The following TMEM123 variants were observed in gnomAD, a reference collection of about 807,000 sequenced individuals.
TMEM123 encodes the protein transmembrane protein 123, also known as porimin.
Under a neutral mutation model 19.7 loss-of-function variants are expected in TMEM123, and 16 were observed. The ratio of observed to expected loss-of-function variants is 0.81; its 90% CI spans 0.55 to 1.23. The LOEUF is 1.23. Among genes scored for constraint, TMEM123 ranks in the 50% most tolerant of loss-of-function variants. The pLI is 0.00. For missense variants in TMEM123, 313 were observed against 257.8 expected (o/e 1.21, Z -1.47); for synonymous variants, 118 against 99.4 (o/e 1.19, Z -1.12).
At chr11:102,438,442 G>A (rs79155245) in intron 2 of TMEM123, among the ~76,000 whole-genome samples, 2 of 152,178 alleles carry the variant, frequency 1.3e-5, no homozygotes, top group Non-Finnish European at 2.9e-5. Context: ...ATCTTCATGA[G>A]AGCAGGAACT....
intron 2 of TMEM123, among the ~76,000 whole-genome samples, chr11:102,443,779 A>T (rs537959136): frequency 9.9e-5 from 15 of 152,256 alleles, no homozygotes; most frequent in Admixed American, 9.2e-4. Flanking sequence ...ATGGGAGAAA[A>T]TTTTTTACAA....
At chr11:102,438,215 G>T (rs1034844239) in intron 2 of TMEM123, among the ~76,000 whole-genome samples, 2 of 151,988 alleles carry the variant, frequency 1.3e-5, no homozygotes, top group African/African-American at 4.8e-5. Flanking sequence ...ACCACACCCA[G>T]CTAATTTTTG....
At chr11:102,407,559 C>T (rs1951966850) in intron 2 of TMEM123, among the ~76,000 whole-genome samples, 1 of 152,186 alleles carries the variant, frequency 6.6e-6, no homozygotes, top group African/African-American at 2.4e-5. Flanking sequence ...TTACAAAGGT[C>T]ATTAAGTCAT....
intron 2 of TMEM123, among the ~76,000 whole-genome samples, chr11:102,423,988 G>T (rs970195655): frequency 6.6e-6 from 1 of 152,090 alleles, no homozygotes; most frequent in Non-Finnish European, 1.5e-5. Flanking sequence ...ATCATCTCCT[G>T]TAAAAGAAAA....
intron 2 of TMEM123, among the ~76,000 whole-genome samples, chr11:102,431,027 C>T (rs1375919134): frequency 6.6e-6 from 1 of 152,162 alleles, no homozygotes; most frequent in African/African-American, 2.4e-5. Flanking sequence ...AAAAAGTCAT[C>T]ACTTTTCAAC....
intron 2 of TMEM123, among the ~76,000 whole-genome samples, chr11:102,440,612 C>T (rs1857815220): frequency 6.6e-6 from 1 of 152,176 alleles, no homozygotes; most frequent in Admixed American, 6.5e-5. Flanking sequence ...ATTGTAAAGA[C>T]CATCGATGAT....
At chr11:102,405,852 G>A (rs1197750834) in intron 2 of TMEM123, among the ~76,000 whole-genome samples, 3 of 152,128 alleles carry the variant, frequency 2.0e-5, no homozygotes, top group Admixed American at 1.3e-4. Context: ...TTTCTTTGTC[G>A]ATTTCTATGA....
At chr11:102,402,315 C>G in intron 2 of TMEM123, 109 bp from the exon 3 acceptor site, 4 of 1,152,358 alleles carry the variant, frequency 3.5e-6, no homozygotes, top group East Asian at 4.9e-5. Context: ...CTTACAAATA[C>G]AGCAGCATTT....
intron 2 of TMEM123, among the ~76,000 whole-genome samples, chr11:102,427,767 G>A (rs564757001): frequency 3.3e-5 from 5 of 151,324 alleles, no homozygotes; most frequent in African/African-American, 9.7e-5. Flanking sequence ...GAACCCGGGA[G>A]GCAGAGGTTG....
At chr11:102,401,099 G>C (rs1343996231) in intron 4 of TMEM123, among the ~76,000 whole-genome samples, 1 of 152,068 alleles carries the variant, frequency 6.6e-6, no homozygotes, top group East Asian at 1.9e-4. Context: ...AATTTTCAGG[G>C]ATAATGAGGC....
Position 102,441,860 on chromosome 11 carries a change from G to A in TMEM123, c.157+6952C>T, listed in dbSNP as rs1288458884. 5.9e-5 allele frequency among the ~76,000 whole-genome samples: 9 copies of A among 151,732 alleles called. No homozygotes were observed. The South Asian group carries it at 1.7e-3, about 28-fold the overall frequency. On this transcript the variant is annotated intron_variant, in intron 2 of 4. Coordinates refer to ENST00000398136, the MANE Select transcript of TMEM123 (RefSeq NM_052932.3). ...TCAAACAGACGCAATAAAAAATGAT[G>A]AAGGGGATATCACCACTGATCCCAC...
intron 2 of TMEM123, among the ~76,000 whole-genome samples, chr11:102,406,836 A>G (rs962462472): frequency 6.7e-6 from 1 of 149,250 alleles, no homozygotes; most frequent in Non-Finnish European, 1.5e-5. Context: ...GCGCCACTGC[A>G]CTCCAGCCTG....
At chr11:102,418,029 A>G (rs547122146) in intron 2 of TMEM123, among the ~76,000 whole-genome samples, 16 of 150,982 alleles carry the variant, frequency 1.1e-4, no homozygotes, top group African/African-American at 3.2e-4. Flanking sequence ...TGTAAAACCT[A>G]AAACTATAAA....
intron 1 of TMEM123, 101 bp from the exon 2 acceptor site, chr11:102,448,969 G>A: frequency 8.7e-7 from 1 of 1,147,354 alleles, no homozygotes; most frequent in Non-Finnish European, 1.3e-6. Flanking sequence ...AGTGGTGTCA[G>A]GAGGGTAGAT....
intron 2 of TMEM123, among the ~76,000 whole-genome samples, chr11:102,444,679 A>G (rs563269869): frequency 6.6e-6 from 1 of 151,774 alleles, no homozygotes; most frequent in Non-Finnish European, 1.5e-5. Context: ...CATAGAACTT[A>G]AAGTATAATA....
At chr11:102,431,435 G>T (rs939026655) in intron 2 of TMEM123, among the ~76,000 whole-genome samples, 2 of 152,080 alleles carry the variant, frequency 1.3e-5, no homozygotes, top group African/African-American at 4.8e-5. Context: ...GATTTTGGAA[G>T]GTACCATACA....
chr11:102,431,317 G>A (rs1440288350), intron 2 of TMEM123, among the ~76,000 whole-genome samples: 1 of 152,166 alleles, frequency 6.6e-6, no homozygotes, highest in East Asian at 1.9e-4. Flanking sequence ...GGTATAAAGT[G>A]ATGTTATGAT....
At chr11:102,452,448 G>C (rs565628057) in intron 1 of TMEM123, 76 bp downstream of exon 1, 55 of 1,256,102 alleles carry the variant, frequency 4.4e-5, no homozygotes, top group African/African-American at 2.2e-4. Flanking sequence ...CTGTACCAGA[G>C]CCCAACTTGG....
intron 2 of TMEM123, among the ~76,000 whole-genome samples, chr11:102,419,945 C>A (rs186929214): frequency 2.6e-5 from 4 of 152,342 alleles, no homozygotes; most frequent in Non-Finnish European, 4.4e-5. Context: ...AGGAAATACA[C>A]TGTAAGCAAC....
Sources: gnomAD v4.1 joint callset for allele counts (sites outside exome capture counted in the v4.1 genomes callset) on GRCh38, gnomAD v4.1.1 for gene constraint, MANE v1.5 for transcripts, NCBI Gene and HGNC (gene_info 2026-07-23, HGNC 2026-07-21) for gene names.